BCL2: variants seen among roughly 807,000 people sequenced by gnomAD.
The protein encoded by BCL2 is apoptosis regulator Bcl-2.
A neutral mutation model predicts 14.2 loss-of-function variants in BCL2; 1 was observed. The ratio of observed to expected loss-of-function variants is 0.07; its 90% CI spans 0.02 to 0.33. The LOEUF is 0.33. Ranked by LOEUF, BCL2 falls within the 10% of genes least tolerant of loss-of-function variation. The pLI is 0.99. For synonymous variants in BCL2, 151 were observed against 137.2 expected, an observed-to-expected ratio of 1.10 and a Z score of -0.70; for missense variants, 247 against 305.9, an observed-to-expected ratio of 0.81 and a Z score of 1.44.
At chr18:63,148,291 G>C (rs1914564945) in intron 2 of BCL2, among the ~76,000 whole-genome samples, 1 of 151,892 alleles carries the variant, frequency 6.6e-6, no homozygotes, top group African/African-American at 2.4e-5. Context: ...GCCAGATGAT[G>C]TATACTTTTA....
chr18:63,275,868 G>A lies in BCL2; in HGVS notation c.585+42214C>T, dbSNP rs1304165719. 2.6e-5 allele frequency among the ~76,000 whole-genome samples: 4 copies of A among 152,328 alleles called. No homozygotes were observed. In the East Asian group the frequency reaches 7.7e-4, roughly 29 times the overall value. On this transcript the variant is annotated intron_variant, in intron 2 of 2. Coordinates refer to ENST00000333681, the MANE Select transcript of BCL2 (RefSeq NM_000633.3). Reference sequence around the variant, plus strand: ...CCTGGCAAAATAACCCTAGTGTGAGGCTTAACTTACTAATTTCTTCTAACC... The same window carrying A: ...CCTGGCAAAATAACCCTAGTGTGAGACTTAACTTACTAATTTCTTCTAACC...
At chr18:63,294,137 C>T (rs1028861126) in intron 2 of BCL2, among the ~76,000 whole-genome samples, 1 of 151,936 alleles carries the variant, frequency 6.6e-6, no homozygotes, top group Non-Finnish European at 1.5e-5. Flanking sequence ...AAACCTTCTG[C>T]CACAGTGTTT....
At chr18:63,215,552 G>GT (rs1449424037) in intron 2 of BCL2, among the ~76,000 whole-genome samples, 1 of 152,232 alleles carries the variant, frequency 6.6e-6, no homozygotes, top group Non-Finnish European at 1.5e-5. Flanking sequence ...AAAACATTTG[G>GT]TAAGATTGTA....
intron 2 of BCL2, among the ~76,000 whole-genome samples, chr18:63,279,382 T>G (rs967628794): frequency 6.6e-6 from 1 of 152,208 alleles, no homozygotes; most frequent in Admixed American, 6.5e-5. Context: ...ACAAGAGACT[T>G]GCATAGGCAC....
At chr18:63,227,219 T>C (rs2144170740) in intron 2 of BCL2, among the ~76,000 whole-genome samples, 1 of 152,258 alleles carries the variant, frequency 6.6e-6, no homozygotes, top group African/African-American at 2.4e-5. Context: ...CCTAGAAAAA[T>C]TATTATTCAA....
chr18:63,199,867 A>G (rs1473216269), intron 2 of BCL2, among the ~76,000 whole-genome samples: 2 of 152,034 alleles, frequency 1.3e-5, no homozygotes, highest in Non-Finnish European at 2.9e-5. Context: ...GACATTTCCA[A>G]CCACCACACA....
rs1038422952 is a variant in BCL2, at chr18:63,128,543, A to G, written c.*82T>C. The G allele has an allele frequency of 1.1e-5, 8 of 721,906 alleles. No individual in the cohort carries two copies. Among genetic ancestry groups the G allele is most frequent in the East Asian group, 2.5e-5 (1 of 40,484 alleles). 44.7% of individuals were successfully genotyped at this position (721,906 alleles called of 1,614,324 possible). A position where few individuals can be genotyped will look rare whatever the true frequency, so the allele number is the denominator to read the frequency against. The stretch of plus-strand genomic sequence containing the variant: ...CTTAAACAGCCTGCAGCTTTGTTTC[A>G]TGGTACATCACTGACAATGCATATT... On this transcript the variant is annotated 3_prime_UTR_variant, in exon 3 of 3. Coordinates refer to ENST00000333681, the MANE Select transcript of BCL2 (RefSeq NM_000633.3).
intron 2 of BCL2, among the ~76,000 whole-genome samples, chr18:63,257,777 ATT>A (rs1386392620): frequency 2.0e-5 from 3 of 152,228 alleles, no homozygotes; most frequent in African/African-American, 7.2e-5. Flanking sequence ...GTTTCCAAGA[ATT>A]TGTTTGAGAA....
intron 2 of BCL2, among the ~76,000 whole-genome samples, chr18:63,220,565 G>T (rs1390769720): frequency 6.6e-6 from 1 of 152,062 alleles, no homozygotes; most frequent in African/African-American, 2.4e-5. Context: ...CTCATCCACA[G>T]GAAAACACTT....
At chr18:63,257,436 T>C (rs1262474151) in intron 2 of BCL2, among the ~76,000 whole-genome samples, 3 of 152,254 alleles carry the variant, frequency 2.0e-5, no homozygotes, top group African/African-American at 7.2e-5. Flanking sequence ...GCTGTCATTT[T>C]TCAAATGGTA....
chr18:63,221,305 G>T (rs1910384901), intron 2 of BCL2, among the ~76,000 whole-genome samples: 1 of 152,144 alleles, frequency 6.6e-6, no homozygotes, highest in African/African-American at 2.4e-5. Flanking sequence ...CACAAAATTA[G>T]ATGTGAGTGT....
chr18:63,254,908 C>T lies in BCL2; in HGVS notation c.585+63174G>A, dbSNP rs143142301. On this transcript the variant is annotated intron_variant, in intron 2 of 2. Coordinates refer to ENST00000333681, the MANE Select transcript of BCL2 (RefSeq NM_000633.3). ...GACATATGAGGTCTTCCAAAGGTGA[C>T]ATGGAATGCAGGCAGAGATGAAATG... Among the ~76,000 whole-genome samples, 7 of 152,288 alleles carry T rather than the reference C, an allele frequency of 4.6e-5. No homozygotes were observed. In the East Asian group the frequency reaches 1.3e-3, roughly 29 times the overall value.
rs141974280 is a variant in BCL2 at position 63,266,406 on chromosome 18, G to A, written c.585+51676C>T. ...TAAATATCCCTGGAAAGATACACAG[G>A]GCATGGGTGACAGGAGCTGCTTTTG... On this transcript the variant is annotated intron_variant, in intron 2 of 2. Coordinates refer to ENST00000333681, the MANE Select transcript of BCL2 (RefSeq NM_000633.3). 5.3e-4 allele frequency among the ~76,000 whole-genome samples: 81 copies of A among 151,768 alleles called. 1 individual carries two copies. The highest frequency in any genetic ancestry group is 8.8e-4 in the Non-Finnish European group (60 of 67,968).
intron 2 of BCL2, among the ~76,000 whole-genome samples, chr18:63,172,352 A>G (rs1165940459): frequency 6.6e-6 from 1 of 152,190 alleles, no homozygotes; most frequent in Non-Finnish European, 1.5e-5. Context: ...CGCAGACACT[A>G]AACACCCTGA....
Position 63,126,214 on chromosome 18 carries a change from G to A in BCL2, c.*2411C>T, listed in dbSNP as rs146379399. 743 of 217,232 alleles carry A rather than the reference G, an allele frequency of 3.4e-3. 2 individuals carry two copies. Among genetic ancestry groups the A allele is most frequent in the Non-Finnish European group, 4.9e-3 (532 of 107,640 alleles). The allele number at this position is 217,232 out of a possible 1,614,324, so 13.5% of individuals were successfully genotyped here. A position where few individuals can be genotyped will look rare whatever the true frequency, so the allele number is the denominator to read the frequency against. Reference sequence around the variant, plus strand: ...ATCATTCTGTTCCCTGAGGCCCGCCGGGGAGGTCTGGCTTCATACCACAGG... The same window carrying A: ...ATCATTCTGTTCCCTGAGGCCCGCCAGGGAGGTCTGGCTTCATACCACAGG... On this transcript the variant is annotated 3_prime_UTR_variant, in exon 3 of 3. Transcript: ENST00000333681.
chr18:63,290,313 G>C (rs549755074), intron 2 of BCL2, among the ~76,000 whole-genome samples: 1 of 152,122 alleles, frequency 6.6e-6, no homozygotes, highest in African/African-American at 2.4e-5. Flanking sequence ...ATACCCATTT[G>C]AGAATCAGCT....
chr18:63,213,551 C>CAT (rs781637136), intron 2 of BCL2, among the ~76,000 whole-genome samples: 226 of 98,446 alleles, frequency 2.3e-3, no homozygotes, highest in South Asian at 0.015. Context: ...CACATAAACA[C>CAT]ACACACACAC....
chr18:63,169,401 C>CT (rs1196935493), intron 2 of BCL2, among the ~76,000 whole-genome samples: 2 of 106,264 alleles, frequency 1.9e-5, no homozygotes, highest in African/African-American at 1.0e-4. Flanking sequence ...TTCTTTCTTT[C>CT]TTTTTCTTTC....
At chr18:63,145,308 C>G (rs1009726) in intron 2 of BCL2, among the ~76,000 whole-genome samples, 32,029 of 152,160 alleles carry the variant, frequency 0.21, 3,929 homozygotes, top group Non-Finnish European at 0.28. Context: ...CTCCACACCA[C>G]GGACAGAGCA....
Sources: allele counts gnomAD v4.1 joint callset (sites outside exome capture counted in the v4.1 genomes callset), GRCh38; gene constraint gnomAD v4.1.1; transcripts MANE v1.5; gene names NCBI Gene and HGNC (gene_info 2026-07-23, HGNC 2026-07-21).